Variants in AIF1L observed in about 807,000 individuals in gnomAD.
AIF1L encodes the protein allograft inflammatory factor 1-like.
A neutral mutation model predicts 20.7 loss-of-function variants in AIF1L; 12 were observed. The observed-to-expected ratio is 0.58, with a 90% confidence interval of 0.37 to 0.94. The LOEUF (loss-of-function observed/expected upper bound fraction) is 0.94, where lower values mean the gene tolerates loss of function less well. Among genes scored for constraint, AIF1L ranks in the 40% least tolerant of loss-of-function variants. The probability of loss-of-function intolerance (pLI) is 0.01; values close to 1 mark genes in which losing one functional copy is unlikely to be tolerated. For missense variants in AIF1L, 173 were observed against 185.3 expected (o/e 0.93, Z 0.39); for synonymous variants, 76 against 65.1 (o/e 1.17, Z -0.81).
At chr9:131,104,122 C>A (rs551046319) in intron 2 of AIF1L, among the ~76,000 whole-genome samples, 1 of 152,294 alleles carries the variant, frequency 6.6e-6, no homozygotes, top group African/African-American at 2.4e-5. Flanking sequence ...AGCTCCTGCC[C>A]GCTTGCATTT....
At position 131,096,577 on chromosome 9, in the gene AIF1L, C is replaced by A. The variant is rs1830529761; in HGVS notation, c.-53C>A. On this transcript the variant is annotated 5_prime_UTR_variant, in exon 1 of 6. Coordinates refer to ENST00000247291, the MANE Select transcript of AIF1L (RefSeq NM_031426.4). ...GGACCAGGCGCCTGTGCCTCCTCCTCGTCCCTCGCCGCGTCCGCGAAGCCT... is the reference window on the plus strand; with the variant it reads ...GGACCAGGCGCCTGTGCCTCCTCCTAGTCCCTCGCCGCGTCCGCGAAGCCT... 1.3e-6 allele frequency: 2 copies of A among 1,482,124 alleles called. No individual in the cohort carries two copies. Among genetic ancestry groups the A allele is most frequent in the East Asian group, 2.9e-5 (1 of 34,180 alleles). The allele number at this position is 1,482,124 out of a possible 1,614,324, so 91.8% of individuals were successfully genotyped here.
chr9:131,098,561 G>A (rs796190927), intron 2 of AIF1L, among the ~76,000 whole-genome samples: 3 of 152,178 alleles, frequency 2.0e-5, no homozygotes, highest in Non-Finnish European at 4.4e-5. Flanking sequence ...ATGGGGGTGA[G>A]GTGACCATGG....
chr9:131,097,007 C>T (rs1830544875), intron 2 of AIF1L, 144 bp downstream of exon 2: 3 of 936,466 alleles, frequency 3.2e-6, no homozygotes, highest in East Asian at 6.6e-5. Context: ...CCTCCCTCCG[C>T]CCCCAGCCCC....
At position 131,117,796 on chromosome 9, in the gene AIF1L, C is replaced by T. The variant is rs151301044; in HGVS notation, c.243C>T (p.Val81=). 3.2e-5 allele frequency: 52 copies of T among 1,613,792 alleles called. No homozygotes were observed. The highest frequency in any genetic ancestry group is 3.3e-4 in the Middle Eastern group (2 of 6,038). ...SLKRMMEKLG[V]PKTHLEMKKM... Reference sequence around the variant, plus strand: ...AGAGGATGATGGAGAAGCTTGGTGTCCCCAAGACCCACCTGGAGATGAAGA... The same window carrying T: ...AGAGGATGATGGAGAAGCTTGGTGTTCCCAAGACCCACCTGGAGATGAAGA... The change falls in exon 5 of 6, where the codon GTC becomes GTT. Residue 81 remains valine (V), a synonymous_variant. Transcript: ENST00000247291.
chr9:131,106,325 T>C, intron 2 of AIF1L: 1 of 1,237,934 alleles, frequency 8.1e-7, no homozygotes, highest in East Asian at 2.5e-5. Flanking sequence ...TTATTGAGCG[T>C]CTGCTATGTG....
chr9:131,113,710 A>G (rs1830945889), intron 3 of AIF1L, among the ~76,000 whole-genome samples: 1 of 152,102 alleles, frequency 6.6e-6, no homozygotes, highest in African/African-American at 2.4e-5. Flanking sequence ...CCCTGAAGCC[A>G]TGAGGAAGGG....
chr9:131,116,588 T>C (rs1831019445), intron 4 of AIF1L, among the ~76,000 whole-genome samples: 1 of 152,222 alleles, frequency 6.6e-6, no homozygotes, highest in East Asian at 1.9e-4. Context: ...ATATAGTTAA[T>C]GGCTGCATTG....
rs1026755883 is a variant in AIF1L, at chr9:131,122,004, T to C, written c.*1682T>C. The stretch of plus-strand genomic sequence containing the variant: ...AACAGTTAAGAATCCAATAATGAAA[T>C]GGACAGATTCATGGAACTTAGAGTC... On this transcript the variant is annotated 3_prime_UTR_variant, in exon 6 of 6. Transcript: ENST00000247291. 1 of 152,230 alleles carries C rather than the reference T, an allele frequency of 6.6e-6. No individual in the cohort carries two copies. Among genetic ancestry groups the C allele is most frequent in the African/African-American group, 2.4e-5 (1 of 41,448 alleles). 9.4% of individuals were successfully genotyped at this position (152,230 alleles called of 1,614,324 possible).
chr9:131,102,363 G>A (rs1196705886), intron 2 of AIF1L, among the ~76,000 whole-genome samples: 1 of 152,208 alleles, frequency 6.6e-6, no homozygotes, highest in Non-Finnish European at 1.5e-5. Context: ...CAAGTATGCA[G>A]GTGTGTCTTT....
intron 4 of AIF1L, 101 bp from the exon 5 acceptor site, chr9:131,117,655 C>T: frequency 7.5e-7 from 1 of 1,335,994 alleles, no homozygotes; most frequent in South Asian, 1.5e-5. Context: ...GTGCAGACGC[C>T]AAGTTTCTAG....
In AIF1L at chr9:131,117,918, T is replaced by G. The variant is rs146631291; in HGVS notation, c.365T>G (p.Leu122Ter). The change falls in exon 5 of 6, where the codon TTA (leucine) becomes TGA (stop). Residue 122 changes from leucine (L) to a stop codon, truncating the protein, a stop_gained and splice_region_variant. Coordinates refer to ENST00000247291, the MANE Select transcript of AIF1L (RefSeq NM_031426.4). LOFTEE classifies it high-confidence loss of function. ...MLGKRSAVLK[L>*]VMMFEGKANE... ...GGGAAACGGTCGGCTGTCCTCAAGT[T>G]GTGAGTACCTCCTTCCTCCCTTGGG... The G allele has an allele frequency of 1.6e-5, 26 of 1,607,800 alleles. No individual in the cohort carries two copies. The highest frequency in any genetic ancestry group is 2.2e-5 in the Non-Finnish European group (26 of 1,176,750).
intron 2 of AIF1L, among the ~76,000 whole-genome samples, chr9:131,102,084 T>G (rs1830650797): frequency 1.3e-5 from 2 of 152,034 alleles, no homozygotes; most frequent in Admixed American, 6.6e-5. Context: ...GGCTAATTTT[T>G]GTATTTTTAG....
chr9:131,096,533 A>C lies in AIF1L; in HGVS notation c.-97A>C, dbSNP rs536963219. The C allele has an allele frequency of 4.7e-5, 65 of 1,386,940 alleles. No individual in the cohort carries two copies. Among genetic ancestry groups the C allele is most frequent in the Non-Finnish European group, 6.0e-5 (64 of 1,062,606 alleles). 85.9% of individuals were successfully genotyped at this position (1,386,940 alleles called of 1,614,324 possible). On this transcript the variant is annotated 5_prime_UTR_variant, in exon 1 of 6. Transcript: ENST00000247291. ...CTCCGCCCCTCGGTCCCGCGGCCAC[A>C]CGCAGCTAGCCGGAGCCCGGACCAG...
chr9:131,106,577 G>A (rs1324859248), intron 2 of AIF1L, among the ~76,000 whole-genome samples: 1 of 151,160 alleles, frequency 6.6e-6, no homozygotes, highest in Admixed American at 6.6e-5. Flanking sequence ...GAGCCCAGGA[G>A]TTTAAGACCA....
chr9:131,119,580 G>T (rs751801828), intron 5 of AIF1L, among the ~76,000 whole-genome samples: 2 of 151,552 alleles, frequency 1.3e-5, no homozygotes, highest in Admixed American at 1.3e-4. Context: ...CTTTTTTAAA[G>T]TACGAATGTA....
chr9:131,120,145 ACATGAGGCTGGGATGATCTTT>A (rs1831103246), intron 5 of AIF1L, 69 bp from the exon 6 acceptor site: 1 of 1,258,194 alleles, frequency 7.9e-7, no homozygotes, highest in Admixed American at 2.0e-5. Context: ...GACCCTGCTG[ACATGAGGCTGGGATGATCTTT>A]CCCTGGATGA....
chr9:131,121,118 A>G lies in AIF1L; in HGVS notation c.*796A>G, dbSNP rs1193126547. On this transcript the variant is annotated 3_prime_UTR_variant, in exon 6 of 6. Coordinates refer to ENST00000247291, the MANE Select transcript of AIF1L (RefSeq NM_031426.4). Reference sequence around the variant, plus strand: ...TGCTGTTCCACCTTTTAGGGAGGTTACTGAGGGGACCAGGATGGGAGAATG... The same window carrying G: ...TGCTGTTCCACCTTTTAGGGAGGTTGCTGAGGGGACCAGGATGGGAGAATG... 4.2e-6 allele frequency: 3 copies of G among 714,396 alleles called. No homozygotes were observed. The highest frequency in any genetic ancestry group is 7.8e-6 in the Non-Finnish European group (3 of 383,706). The allele number at this position is 714,396 out of a possible 1,614,324, so 44.3% of individuals were successfully genotyped here.
intron 2 of AIF1L, 139 bp downstream of exon 2, chr9:131,097,002 C>A: frequency 1.0e-6 from 1 of 984,118 alleles, no homozygotes; most frequent in Non-Finnish European, 1.4e-6. Flanking sequence ...AGGTGCCTCC[C>A]TCCGCCCCCA....
At position 131,114,625 on chromosome 9, in the gene AIF1L, G is replaced by T. The variant is rs1007730079; in HGVS notation, c.202+7G>T. 6.2e-7 allele frequency: 1 copy of T among 1,613,998 alleles called. No homozygotes were observed. Among genetic ancestry groups the T allele is most frequent in the Non-Finnish European group, 8.5e-7 (1 of 1,179,952 alleles). On this transcript the variant is annotated splice_region_variant and intron_variant, in intron 4 of 5. Coordinates refer to ENST00000247291, the MANE Select transcript of AIF1L (RefSeq NM_031426.4). ...AACAATGAAGGCGAGATTGGTGAGT[G>T]AAGCCTTGAGTGTGTTTAGGGAGGA...
Sources: allele counts gnomAD v4.1 joint callset (sites outside exome capture counted in the v4.1 genomes callset), GRCh38; gene constraint gnomAD v4.1.1; transcripts MANE v1.5; gene names NCBI Gene and HGNC (gene_info 2026-07-23, HGNC 2026-07-21).